The following IQGAP1 variants were observed in gnomAD, a reference collection of about 807,000 sequenced individuals.
The protein encoded by IQGAP1 is ras GTPase-activating-like protein IQGAP1.
A neutral mutation model predicts 215.6 loss-of-function variants in IQGAP1; 66 were observed. The observed-to-expected ratio is 0.31, with a 90% CI of 0.25 to 0.38. IQGAP1 has a LOEUF of 0.38. Among genes scored for constraint, IQGAP1 ranks in the 10% least tolerant of loss-of-function variants. IQGAP1 has a pLI of 1.00. For missense variants in IQGAP1, 1,712 were observed against 1,997.1 expected (o/e 0.86, Z 2.72); for synonymous variants, 772 against 728.7 (o/e 1.06, Z -0.96).
intron 18 of IQGAP1, among the ~76,000 whole-genome samples, chr15:90,468,981 A>G (rs1305915715): frequency 6.6e-6 from 1 of 152,196 alleles, no homozygotes; most frequent in Non-Finnish European, 1.5e-5. Context: ...TCAGAATTTA[A>G]TGTACTTGGA....
At chr15:90,395,536 A>G (rs147977019) in intron 2 of IQGAP1, among the ~76,000 whole-genome samples, 2,038 of 152,198 alleles carry the variant, frequency 0.013, 15 homozygotes, top group East Asian at 0.026. Flanking sequence ...TAGCCAGGAT[A>G]GTCTTGATCT....
chr15:90,409,253 T>C (rs1421084362), intron 2 of IQGAP1, among the ~76,000 whole-genome samples: 1 of 150,554 alleles, frequency 6.6e-6, no homozygotes. Context: ...TTTTTTTTTT[T>C]TTTAGATAAG....
rs570515211 is a variant in IQGAP1 at position 90,388,245 on chromosome 15, C to A, written c.-97C>A. The stretch of plus-strand genomic sequence containing the variant: ...CGGCACGGGGCGGGGCCTCGGGGAC[C>A]CCGGCAAGCCCGCGCACTTGGCAGG... On this transcript the variant is annotated 5_prime_UTR_variant, in exon 1 of 38. Coordinates refer to ENST00000268182, the MANE Select transcript of IQGAP1 (RefSeq NM_003870.4). The A allele has an allele frequency of 1.0e-5, 14 of 1,399,046 alleles. No homozygotes were observed. In the Admixed American group the frequency reaches 1.3e-4, roughly 13 times the overall value. 86.7% of individuals were successfully genotyped at this position (1,399,046 alleles called of 1,614,324 possible).
chr15:90,399,741 G>C (rs891372229), intron 2 of IQGAP1, among the ~76,000 whole-genome samples: 2 of 152,094 alleles, frequency 1.3e-5, no homozygotes, highest in Non-Finnish European at 2.9e-5. Context: ...CCGAACTTCT[G>C]GCCTTAGGTG....
chr15:90,496,563 C>T (rs1412532125), intron 36 of IQGAP1, among the ~76,000 whole-genome samples: 15 of 151,958 alleles, frequency 9.9e-5, no homozygotes, highest in South Asian at 2.1e-4. Context: ...CCTCGTGATC[C>T]GCCCGCCTCG....
At chr15:90,465,566 A>G (rs1345967118) in intron 15 of IQGAP1, among the ~76,000 whole-genome samples, 1 of 152,162 alleles carries the variant, frequency 6.6e-6, no homozygotes. Flanking sequence ...GTGCAGTGGT[A>G]AGAACATGGC....
At chr15:90,481,418 C>CA (rs1966057726) in intron 26 of IQGAP1, among the ~76,000 whole-genome samples, 1 of 151,884 alleles carries the variant, frequency 6.6e-6, no homozygotes, top group South Asian at 2.1e-4. Flanking sequence ...TGGTTTCTAA[C>CA]AAAGTCCAGA....
intron 34 of IQGAP1, among the ~76,000 whole-genome samples, chr15:90,492,034 C>T (rs1437379437): frequency 2.0e-5 from 3 of 152,090 alleles, no homozygotes; most frequent in African/African-American, 7.2e-5. Flanking sequence ...GAGGTCCAAA[C>T]CAGCTTTGCA....
At chr15:90,495,937 A>G (rs1966266745) in intron 36 of IQGAP1, among the ~76,000 whole-genome samples, 1 of 149,274 alleles carries the variant, frequency 6.7e-6, no homozygotes, top group African/African-American at 2.4e-5. Flanking sequence ...TATTATTATT[A>G]TTATTATTAT....
At position 90,449,479 on chromosome 15, in the gene IQGAP1, T is replaced by G. The variant is rs1965570838; in HGVS notation, c.1078-80T>G. The G allele has an allele frequency of 7.8e-6, 9 of 1,161,088 alleles. No homozygotes were observed. The East Asian group carries it at 2.3e-4, about 30-fold the overall frequency. 71.9% of individuals were successfully genotyped at this position (1,161,088 alleles called of 1,614,324 possible). A position where few individuals can be genotyped will look rare whatever the true frequency, so the allele number is the denominator to read the frequency against. ...TATGGCTCTCTCTGTCCCTAGTGAC[T>G]GCTTTTGAGAGATGAGAACCTTAAG... On this transcript the variant is annotated intron_variant, in intron 10 of 37. Coordinates refer to ENST00000268182, the MANE Select transcript of IQGAP1 (RefSeq NM_003870.4).
Position 90,432,898 on chromosome 15 carries a change from T to C in IQGAP1, c.391-821T>C, listed in dbSNP as rs78537411. Among the ~76,000 whole-genome samples, 30 of 152,302 alleles carry C rather than the reference T, an allele frequency of 2.0e-4. 1 individual carries two copies. In the East Asian group the frequency reaches 5.4e-3, roughly 27 times the overall value. ...GCCACATGACTGTGAGAATAGGCCTTGAAGTTCAAGGCTATTCCCAGTCTA... is the reference window on the plus strand; with the variant it reads ...GCCACATGACTGTGAGAATAGGCCTCGAAGTTCAAGGCTATTCCCAGTCTA... On this transcript the variant is annotated intron_variant, in intron 4 of 37. Transcript: ENST00000268182.
intron 28 of IQGAP1, among the ~76,000 whole-genome samples, chr15:90,482,973 C>G (rs1966080126): frequency 2.0e-5 from 3 of 152,130 alleles, no homozygotes; most frequent in African/African-American, 7.2e-5. Context: ...ATAAGGAAAG[C>G]CCATCTACAT....
chr15:90,392,943 C>G (rs1964657205), intron 2 of IQGAP1, among the ~76,000 whole-genome samples: 1 of 151,740 alleles, frequency 6.6e-6, no homozygotes, highest in Non-Finnish European at 1.5e-5. Context: ...CTGGGTTTCA[C>G]CATAATGGCC....
At chr15:90,392,270 T>C (rs1192388666) in intron 2 of IQGAP1, among the ~76,000 whole-genome samples, 1 of 152,166 alleles carries the variant, frequency 6.6e-6, no homozygotes, top group East Asian at 1.9e-4. Flanking sequence ...AGGATAACAC[T>C]TGTCTTTCTA....
At chr15:90,430,235 A>C (rs939921120) in intron 4 of IQGAP1, among the ~76,000 whole-genome samples, 2 of 152,198 alleles carry the variant, frequency 1.3e-5, no homozygotes, top group Non-Finnish European at 2.9e-5. Flanking sequence ...TGAAATTGCC[A>C]TCCCAGTCCT....
chr15:90,416,953 T>G (rs1965060678), intron 2 of IQGAP1, among the ~76,000 whole-genome samples: 1 of 152,220 alleles, frequency 6.6e-6, no homozygotes, highest in African/African-American at 2.4e-5. Flanking sequence ...TTTGCATTTC[T>G]CTGATGGCCA....
At chr15:90,456,402 C>T in intron 15 of IQGAP1, 87 bp downstream of exon 15, 2 of 1,341,302 alleles carry the variant, frequency 1.5e-6, no homozygotes, top group Non-Finnish European at 2.1e-6. Context: ...TTCCTTGATT[C>T]ATTCAGTGAA....
At chr15:90,417,723 A>G (rs1444324330) in intron 2 of IQGAP1, among the ~76,000 whole-genome samples, 1 of 152,166 alleles carries the variant, frequency 6.6e-6, no homozygotes, top group Non-Finnish European at 1.5e-5. Flanking sequence ...TATGAACTTT[A>G]AAGTAGTTTT....
chr15:90,394,086 G>C (rs1964677371), intron 2 of IQGAP1, among the ~76,000 whole-genome samples: 1 of 137,454 alleles, frequency 7.3e-6, no homozygotes, highest in African/African-American at 2.7e-5. Flanking sequence ...GGTAAGCTGA[G>C]ACAGTGCCAT....
Sources: gnomAD v4.1 joint callset for allele counts (sites outside exome capture counted in the v4.1 genomes callset) on GRCh38, gnomAD v4.1.1 for gene constraint, MANE v1.5 for transcripts, NCBI Gene and HGNC (gene_info 2026-07-23, HGNC 2026-07-21) for gene names.